PRDM1: variants seen among roughly 807,000 people sequenced by gnomAD.
The protein encoded by PRDM1 is PR domain zinc finger protein 1.
A neutral mutation model predicts 62.8 loss-of-function variants in PRDM1; 13 were observed. That is an observed-to-expected ratio of 0.21 (90% CI 0.13 to 0.33). PRDM1 has a LOEUF of 0.33. Among genes scored for constraint, PRDM1 ranks in the 10% least tolerant of loss-of-function variants. The pLI is 1.00. For missense variants in PRDM1, 895 were observed against 1,058.8 expected, an observed-to-expected ratio of 0.85 and a Z score of 2.15; for synonymous variants, 396 against 417.6, an observed-to-expected ratio of 0.95 and a Z score of 0.63.
intron 2 of PRDM1, among the ~76,000 whole-genome samples, chr6:106,089,594 T>C (rs1014931596): frequency 1.3e-5 from 2 of 152,208 alleles, no homozygotes; most frequent in Admixed American, 1.3e-4. Flanking sequence ...TCTTTCTTTT[T>C]TCCCCCACTG....
rs1425062382 is a variant in PRDM1 at position 105,994,649 on chromosome 6, T to C, written c.-67+1010T>C. On this transcript the variant is annotated intron_variant, in intron 1 of 6. Transcript: ENST00000652320. This position sits in a 1 kb window ranked among gnomAD's most constrained non-coding sequence, Gnocchi z 4.1. Reference sequence around the variant, plus strand: ...GATAGGTTTAGAGCCCGTCCTTTTGTCTGGAGTGTCGCGGGACTCCAGAAG... The same window carrying C: ...GATAGGTTTAGAGCCCGTCCTTTTGCCTGGAGTGTCGCGGGACTCCAGAAG... Among the ~76,000 whole-genome samples, 1 of 152,184 alleles carries C rather than the reference T, an allele frequency of 6.6e-6. No individual in the cohort carries two copies. Among genetic ancestry groups the C allele is most frequent in the Non-Finnish European group, 1.5e-5 (1 of 68,034 alleles).
At chr6:106,047,078 G>T (rs1356517853), upstream of PRDM1, among the ~76,000 whole-genome samples, 2 of 152,116 alleles carry the variant, frequency 1.3e-5, no homozygotes, top group Non-Finnish European at 2.9e-5. Context: ...ATCTTTCCTT[G>T]CTTCTTAACA....
At position 106,106,323 on chromosome 6, in the gene PRDM1, C is replaced by G; in HGVS notation, c.1774-48C>G. 1 of 1,605,470 alleles carries G rather than the reference C, an allele frequency of 6.2e-7. No individual in the cohort carries two copies. The highest frequency in any genetic ancestry group is 2.2e-5 in the East Asian group (1 of 44,736). The stretch of plus-strand genomic sequence containing the variant: ...GAGTCTTGGAGCAGAAATGTTAGGT[C>G]TCAGAGCCAGCTTGAGAGCAGAGCT... On this transcript the variant is annotated intron_variant, in intron 5 of 6. Coordinates refer to ENST00000369096, the MANE Select transcript of PRDM1 (RefSeq NM_001198.4). This position sits in a 1 kb window ranked among gnomAD's most constrained non-coding sequence, Gnocchi z 4.4.
chr6:105,998,052 C>T (rs183122014), intron 1 of PRDM1, among the ~76,000 whole-genome samples: 3 of 152,148 alleles, frequency 2.0e-5, no homozygotes, highest in East Asian at 1.9e-4. Context: ...AAACAAAGTG[C>T]AGGGAGTTTG....
rs570845391 is a variant in PRDM1, at chr6:106,080,770, C to T, written c.-66-7431C>T. On this transcript the variant is annotated intron_variant, in intron 1 of 6. Coordinates refer to the PRDM1 transcript ENST00000651185. ...TCCTAAAGGCAGTGCCTGTTCTCTT[C>T]AAAGGAGTTGTGGGGATCCTGCCTG... is the stretch of plus-strand genomic sequence containing the variant. Among the ~76,000 whole-genome samples, 57 of 152,330 alleles carry T rather than the reference C, an allele frequency of 3.7e-4. No individual in the cohort carries two copies. The South Asian group carries it at 5.2e-3, about 14-fold the overall frequency.
chr6:106,074,530 T>C (rs918039604), intron 1 of PRDM1, among the ~76,000 whole-genome samples: 3 of 152,222 alleles, frequency 2.0e-5, no homozygotes, highest in Non-Finnish European at 4.4e-5. Flanking sequence ...AAATATTATA[T>C]AAATCAATGA....
intron 1 of PRDM1, among the ~76,000 whole-genome samples, chr6:106,012,582 C>T (rs1249496718): frequency 1.3e-5 from 2 of 152,160 alleles, no homozygotes; most frequent in Non-Finnish European, 2.9e-5. Context: ...TCCCACATCA[C>T]ACACACCACA....
At chr6:106,083,997 G>A (rs1013103666), upstream of PRDM1, among the ~76,000 whole-genome samples, 3 of 152,056 alleles carry the variant, frequency 2.0e-5, no homozygotes, top group African/African-American at 7.2e-5. Context: ...GTTTTGTGCT[G>A]GACAATACCT....
chr6:106,062,249 C>G (rs1773355750), intron 1 of PRDM1, among the ~76,000 whole-genome samples: 1 of 152,166 alleles, frequency 6.6e-6, no homozygotes, highest in African/African-American at 2.4e-5. Flanking sequence ...AGATCTTTGT[C>G]ATGTGCAGTA....
chr6:106,029,323 G>A (rs1432473260), intron 1 of PRDM1, among the ~76,000 whole-genome samples: 2 of 152,128 alleles, frequency 1.3e-5, no homozygotes, highest in Non-Finnish European at 2.9e-5. Flanking sequence ...GGTACATAAG[G>A]TCAATTTTAA....
intron 1 of PRDM1, among the ~76,000 whole-genome samples, chr6:106,018,426 C>T (rs1772651743): frequency 6.6e-6 from 1 of 152,188 alleles, no homozygotes; most frequent in South Asian, 2.1e-4. Context: ...GATGTGTTCT[C>T]ATTAACTGAA....
intron 2 of PRDM1, among the ~76,000 whole-genome samples, chr6:106,095,304 G>C (rs1346957790): frequency 6.6e-6 from 1 of 152,158 alleles, no homozygotes; most frequent in African/African-American, 2.4e-5. Context: ...TTCTAAAAGA[G>C]AATGGTTATA....
intron 1 of PRDM1, among the ~76,000 whole-genome samples, chr6:106,067,669 G>T (rs1287645324): frequency 6.6e-6 from 1 of 152,156 alleles, no homozygotes; most frequent in African/African-American, 2.4e-5. Flanking sequence ...CCTAGAAAGG[G>T]CAGAATCAGA....
intron 1 of PRDM1, among the ~76,000 whole-genome samples, chr6:106,070,830 T>C (rs936712919): frequency 6.6e-6 from 1 of 152,244 alleles, no homozygotes; most frequent in Non-Finnish European, 1.5e-5. Context: ...GGGCTCTGAC[T>C]GTGTGCTAGG....
intron 1 of PRDM1, among the ~76,000 whole-genome samples, chr6:106,006,966 CTG>C (rs1356653192): frequency 1.3e-5 from 2 of 152,000 alleles, no homozygotes; most frequent in Non-Finnish European, 2.9e-5. Context: ...TGGCAACACA[CTG>C]CACTCAAAGT....
At chr6:106,092,430 T>A (rs1381102262) in intron 2 of PRDM1, among the ~76,000 whole-genome samples, 1 of 152,218 alleles carries the variant, frequency 6.6e-6, no homozygotes, top group African/African-American at 2.4e-5. Context: ...CTGTTGAGTT[T>A]ATAGAAGGCA....
In PRDM1 at chr6:106,109,483, T is replaced by A. The variant is rs962672023; in HGVS notation, c.*1997T>A. The A allele has an allele frequency of 5.6e-5, 13 of 233,552 alleles. No individual in the cohort carries two copies. Among genetic ancestry groups the A allele is most frequent in the African/African-American group, 2.9e-4 (13 of 45,354 alleles). The allele number at this position is 233,552 out of a possible 1,614,324, so 14.5% of individuals were successfully genotyped here. Reference sequence around the variant, plus strand: ...ATGTTCACCTGTAGAAGAGAACAAATTTCGAATAATCCAGGGAAACCCAAG... The same window carrying A: ...ATGTTCACCTGTAGAAGAGAACAAAATTCGAATAATCCAGGGAAACCCAAG... On this transcript the variant is annotated 3_prime_UTR_variant, in exon 7 of 7. Coordinates refer to ENST00000369096, the MANE Select transcript of PRDM1 (RefSeq NM_001198.4).
intron 1 of PRDM1, among the ~76,000 whole-genome samples, chr6:106,013,171 A>G (rs1298307005): frequency 1.3e-5 from 2 of 152,026 alleles, no homozygotes; most frequent in Admixed American, 6.6e-5. Context: ...GGTGTGAGCC[A>G]TCATGCCTGG....
chr6:106,050,017 T>A (rs4245531), intron 1 of PRDM1, among the ~76,000 whole-genome samples: 1 of 152,140 alleles, frequency 6.6e-6, no homozygotes, highest in East Asian at 1.9e-4. Context: ...TGGTGCAGAG[T>A]AGCATAGGAG....
Sources: gnomAD v4.1 joint callset for allele counts (sites outside exome capture counted in the v4.1 genomes callset) on GRCh38, gnomAD v4.1.1 for gene constraint, Gnocchi (gnomAD v3.1) non-coding constraint, MANE v1.5 for transcripts, NCBI Gene and HGNC (gene_info 2026-07-23, HGNC 2026-07-21) for gene names.